Variants in SPMAP2 observed in about 807,000 individuals in gnomAD.
The protein encoded by SPMAP2 is Theg homolog.
the SPMAP2 span, among the ~76,000 whole-genome samples, chr19:362,765 TAAAAAAAAA>T: frequency 1.7e-4 from 10 of 57,484 alleles, no homozygotes; most frequent in African/African-American, 4.8e-4. Context: ...GACTCCATCT[TAAAAAAAAA>T]AAAAAAAAAA....
chr19:375,988 GC>G, the SPMAP2 span: 2 of 1,382,274 alleles, frequency 1.4e-6, no homozygotes, highest in East Asian at 2.7e-5. Flanking sequence ...TCCCTTCCCA[GC>G]CCCCGCGGCC....
chr19:371,560 G>T, the SPMAP2 span, among the ~76,000 whole-genome samples: 785 of 152,274 alleles, frequency 5.2e-3, 10 homozygotes, highest in African/African-American at 0.018. Flanking sequence ...GAGTTCTCAA[G>T]TACAGAGCTA....
At chr19:367,147 T>C in the SPMAP2 span, 8 of 1,612,702 alleles carry the variant, frequency 5.0e-6, no homozygotes, top group Non-Finnish European at 6.8e-6. Flanking sequence ...AGAGGGTGGC[T>C]GGGGCCTTCG....
At chr19:370,421 A>C in the SPMAP2 span, among the ~76,000 whole-genome samples, 75 of 150,892 alleles carry the variant, frequency 5.0e-4, 2 homozygotes, top group South Asian at 8.6e-3. Context: ...GGCTCACTGC[A>C]AGCTCCGCCT....
chr19:364,343 A>G, the SPMAP2 span, among the ~76,000 whole-genome samples: 1 of 150,962 alleles, frequency 6.6e-6, no homozygotes, highest in South Asian at 2.1e-4. Flanking sequence ...TCTCAAAAAA[A>G]AAAAAAAAAA....
At chr19:367,083 G>T in the SPMAP2 span, 1 of 1,612,888 alleles carries the variant, frequency 6.2e-7, no homozygotes, top group Non-Finnish European at 8.5e-7. Context: ...TGAAGGAGGC[G>T]GTTATGGTCT....
the SPMAP2 span, chr19:373,897 GT>G: frequency 5.7e-6 from 9 of 1,585,260 alleles, no homozygotes; most frequent in African/African-American, 4.0e-5. Flanking sequence ...CCTGACACGT[GT>G]CCCCCAGCAT....
chr19:372,148 T>G, the SPMAP2 span, among the ~76,000 whole-genome samples: 6 of 152,164 alleles, frequency 3.9e-5, no homozygotes, highest in African/African-American at 1.4e-4. Flanking sequence ...GCTGTCTACT[T>G]CAGCTGTGCT....
the SPMAP2 span, chr19:375,772 C>A: frequency 6.2e-7 from 1 of 1,610,058 alleles, no homozygotes; most frequent in Non-Finnish European, 8.5e-7. Context: ...GCCACCTCCT[C>A]GGGGGGAAGC....
the SPMAP2 span, chr19:373,562 AG>A: frequency 1.9e-6 from 3 of 1,606,586 alleles, no homozygotes; most frequent in Middle Eastern, 1.7e-4. Context: ...AGGGCAAGGG[AG>A]GCAGAGAGCC....
At chr19:371,277 T>C in the SPMAP2 span, 1 of 1,519,118 alleles carries the variant, frequency 6.6e-7, no homozygotes, top group Non-Finnish European at 8.8e-7. Context: ...GACTCGACGC[T>C]CTGTATTCCA....
chr19:370,508 A>ATTTTTT, the SPMAP2 span, among the ~76,000 whole-genome samples: 1 of 141,412 alleles, frequency 7.1e-6, no homozygotes. Context: ...CCCCCGGCTA[A>ATTTTTT]TTTTTTTTTT....
chr19:375,815 A>T, the SPMAP2 span: 2 of 1,609,346 alleles, frequency 1.2e-6, no homozygotes, highest in Admixed American at 3.4e-5. Flanking sequence ...CCAGCTCTGC[A>T]TTGTCCAGGT....
chr19:374,492 G>T, the SPMAP2 span: 1 of 1,598,924 alleles, frequency 6.3e-7, no homozygotes, highest in Non-Finnish European at 8.5e-7. Flanking sequence ...CCAGAGAAGC[G>T]TGGGTCTTGC....
chr19:362,831 G>A, the SPMAP2 span, among the ~76,000 whole-genome samples: 6 of 148,898 alleles, frequency 4.0e-5, no homozygotes, highest in Non-Finnish European at 5.9e-5. Context: ...GCAGAGAAAC[G>A]GAGGATGAAA....
the SPMAP2 span, among the ~76,000 whole-genome samples, chr19:363,136 G>A: frequency 2.0e-5 from 3 of 152,178 alleles, no homozygotes; most frequent in Non-Finnish European, 2.9e-5. Context: ...TGTGGTGGTG[G>A]TTGCATAACC....
At chr19:371,369 G>GT in the SPMAP2 span, 7 of 851,186 alleles carry the variant, frequency 8.2e-6, no homozygotes, top group East Asian at 6.3e-5. Context: ...CGGGGGTGGG[G>GT]GTGTGTGTGT....
the SPMAP2 span, among the ~76,000 whole-genome samples, chr19:374,991 A>T: frequency 5.3e-4 from 80 of 152,296 alleles, no homozygotes; most frequent in African/African-American, 1.7e-3. Flanking sequence ...GCAGAGCCCC[A>T]TGAGGGCAGG....
chr19:374,098 G>T, the SPMAP2 span: 2 of 1,493,386 alleles, frequency 1.3e-6, no homozygotes, highest in South Asian at 2.3e-5. Flanking sequence ...TTTGGCCACC[G>T]CCCAGAGGGC....
Sources: allele counts gnomAD v4.1 joint callset (sites outside exome capture counted in the v4.1 genomes callset), GRCh38; gene constraint gnomAD v4.1.1; transcripts MANE v1.5; gene names NCBI Gene and HGNC (gene_info 2026-07-23, HGNC 2026-07-21).